Variants in CDH12 observed in about 807,000 individuals in gnomAD.
The protein encoded by CDH12 is cadherin-12.
Under a neutral mutation model 74.1 loss-of-function variants are expected in CDH12, and 41 were observed. The observed-to-expected ratio is 0.55, with a 90% CI of 0.43 to 0.72. The LOEUF is 0.72. Among genes scored for constraint, CDH12 ranks in the 30% least tolerant of loss-of-function variants. The pLI, the probability that CDH12 is intolerant of heterozygous loss-of-function variation, is 0.00. For synonymous variants in CDH12, 399 were observed against 355.0 expected (o/e 1.12, Z -1.39); for missense variants, 945 against 977.2 (o/e 0.97, Z 0.44).
intron 1 of CDH12, among the ~76,000 whole-genome samples, chr5:22,678,046 G>GC (rs1554058351): frequency 0.032 from 3,789 of 118,968 alleles, 108 homozygotes; most frequent in South Asian, 0.046. Flanking sequence ...CATCCTCATG[G>GC]GGGGGGGGGT....
At chr5:21,796,605 A>G (rs1052504885) in intron 10 of CDH12, among the ~76,000 whole-genome samples, 2 of 152,058 alleles carry the variant, frequency 1.3e-5, no homozygotes, top group East Asian at 3.9e-4. Context: ...TTCTGTTATT[A>G]TTTAATTCTT....
chr5:22,612,566 G>A (rs964147335), intron 1 of CDH12, among the ~76,000 whole-genome samples: 2 of 151,994 alleles, frequency 1.3e-5, no homozygotes, highest in African/African-American at 4.8e-5. Context: ...TATTTGAGAT[G>A]TAGATGCAGA....
At chr5:22,460,563 C>A (rs1234072956) in intron 2 of CDH12, among the ~76,000 whole-genome samples, 1 of 152,074 alleles carries the variant, frequency 6.6e-6, no homozygotes, top group Non-Finnish European at 1.5e-5. Flanking sequence ...AAAGTGGGAT[C>A]TAACCTTTTC....
At chr5:22,423,332 A>T (rs958734554) in intron 2 of CDH12, among the ~76,000 whole-genome samples, 1 of 151,934 alleles carries the variant, frequency 6.6e-6, no homozygotes, top group Non-Finnish European at 1.5e-5. Context: ...TCTGAGAACC[A>T]CTCCTGAGAT....
chr5:22,840,318 T>A (rs977329480), intron 1 of CDH12, among the ~76,000 whole-genome samples: 1 of 151,976 alleles, frequency 6.6e-6, no homozygotes, highest in Admixed American at 6.6e-5. Context: ...GAGACGGGGT[T>A]TCACTGTGTT....
At chr5:22,279,502 T>A (rs1580475259) in intron 3 of CDH12, among the ~76,000 whole-genome samples, 1 of 152,136 alleles carries the variant, frequency 6.6e-6, no homozygotes, top group Non-Finnish European at 1.5e-5. Context: ...ATTAGGTATA[T>A]CTCCTAATGT....
At chr5:21,918,801 T>C (rs908311669) in intron 6 of CDH12, among the ~76,000 whole-genome samples, 12 of 152,192 alleles carry the variant, frequency 7.9e-5, no homozygotes, top group African/African-American at 2.7e-4. Flanking sequence ...GTATAAATTA[T>C]ACCATCATAT....
intron 1 of CDH12, among the ~76,000 whole-genome samples, chr5:22,812,434 G>T (rs529813974): frequency 6.6e-6 from 1 of 152,190 alleles, no homozygotes; most frequent in East Asian, 1.9e-4. Flanking sequence ...AAATTCCAAG[G>T]TGAGACAATA....
intron 1 of CDH12, among the ~76,000 whole-genome samples, chr5:22,691,269 A>G (rs1241857755): frequency 1.3e-5 from 2 of 152,146 alleles, no homozygotes; most frequent in African/African-American, 4.8e-5. Flanking sequence ...CTTCTTGTCA[A>G]TCTTGGAACC....
At chr5:22,697,759 G>C (rs1465638859) in intron 1 of CDH12, among the ~76,000 whole-genome samples, 1 of 152,090 alleles carries the variant, frequency 6.6e-6, no homozygotes, top group Admixed American at 6.6e-5. Context: ...TCTGTAGATA[G>C]AGCCTTTAAG....
intron 5 of CDH12, among the ~76,000 whole-genome samples, chr5:22,001,908 T>C (rs1232456450): frequency 6.6e-6 from 1 of 151,728 alleles, no homozygotes; most frequent in East Asian, 1.9e-4. Flanking sequence ...TGCCAATCTT[T>C]GGGTTGCTGT....
chr5:22,079,636 T>G (rs1742580667), intron 4 of CDH12, among the ~76,000 whole-genome samples: 1 of 152,276 alleles, frequency 6.6e-6, no homozygotes, highest in African/African-American at 2.4e-5. Context: ...TGAGTATTAC[T>G]TTATAGACGT....
chr5:22,278,224 T>G (rs1736725692), intron 3 of CDH12, among the ~76,000 whole-genome samples: 1 of 152,184 alleles, frequency 6.6e-6, no homozygotes, highest in African/African-American at 2.4e-5. Flanking sequence ...GCTTCTTATT[T>G]AATTGAATAA....
At chr5:22,704,738 T>C (rs1001770923) in intron 1 of CDH12, among the ~76,000 whole-genome samples, 1 of 152,094 alleles carries the variant, frequency 6.6e-6, no homozygotes, top group African/African-American at 2.4e-5. Context: ...TAGAGAACTA[T>C]AAACCTCAAT....
chr5:22,663,430 C>T (rs1740449224), intron 1 of CDH12, among the ~76,000 whole-genome samples: 1 of 152,050 alleles, frequency 6.6e-6, no homozygotes, highest in African/African-American at 2.4e-5. Context: ...GCCTAAAAAC[C>T]CACACATCAT....
At chr5:22,040,750 G>A (rs1739520697) in intron 5 of CDH12, among the ~76,000 whole-genome samples, 1 of 151,980 alleles carries the variant, frequency 6.6e-6, no homozygotes, top group Non-Finnish European at 1.5e-5. Context: ...CCTCAAACAA[G>A]TAAAAGATGA....
intron 4 of CDH12, among the ~76,000 whole-genome samples, chr5:22,102,403 T>C (rs1744186836): frequency 6.6e-6 from 1 of 152,168 alleles, no homozygotes; most frequent in South Asian, 2.1e-4. Context: ...GCACGGTGGC[T>C]CACGCCTGTT....
intron 1 of CDH12, among the ~76,000 whole-genome samples, chr5:22,674,343 G>A (rs775523691): frequency 1.3e-5 from 2 of 152,104 alleles, no homozygotes; most frequent in Non-Finnish European, 2.9e-5. Flanking sequence ...CCCTTCACAA[G>A]CTCTCTTCTC....
chr5:22,491,357 ATAG>A (rs1444582920), intron 2 of CDH12, among the ~76,000 whole-genome samples: 1 of 152,194 alleles, frequency 6.6e-6, no homozygotes, highest in Non-Finnish European at 1.5e-5. Flanking sequence ...TGAGTTGTTT[ATAG>A]CTGTGTTGTA....
Sources: gnomAD v4.1 joint callset for allele counts (sites outside exome capture counted in the v4.1 genomes callset) on GRCh38, gnomAD v4.1.1 for gene constraint, MANE v1.5 for transcripts, NCBI Gene and HGNC (gene_info 2026-07-23, HGNC 2026-07-21) for gene names.